The following POLR2F variants were observed in gnomAD, a reference collection of about 807,000 sequenced individuals.
POLR2F encodes the protein RNA polymerase II, I and III subunit F.
Under a neutral mutation model 22.7 loss-of-function variants are expected in POLR2F, and 12 were observed. The observed-to-expected ratio is 0.53, with a 90% confidence interval of 0.34 to 0.86. The LOEUF is 0.86. POLR2F is among the 40% of genes least tolerant of loss of function. POLR2F has a pLI of 0.02. For missense variants in POLR2F, 126 were observed against 171.5 expected, an observed-to-expected ratio of 0.73 and a Z score of 1.48; for synonymous variants, 57 against 66.0, an observed-to-expected ratio of 0.86 and a Z score of 0.66.
At chr22:37,990,010 G>T (rs893877076) in intron 1 of POLR2F, among the ~76,000 whole-genome samples, 2 of 152,210 alleles carry the variant, frequency 1.3e-5, no homozygotes, top group Admixed American at 6.5e-5. Flanking sequence ...GACACCTTCA[G>T]ATGTGCTCTG....
At chr22:37,973,331 G>A (rs1932115114), downstream of POLR2F, 1 of 588,316 alleles carries the variant, frequency 1.7e-6, no homozygotes, top group East Asian at 2.8e-5. Flanking sequence ...TGGGGCGGGT[G>A]GGTCATCAGG....
upstream of POLR2F, chr22:37,983,812 C>T: frequency 1.4e-6 from 2 of 1,406,282 alleles, no homozygotes; most frequent in Non-Finnish European, 1.9e-6. The surrounding 1 kb of genome is among the most constrained non-coding windows in gnomAD (Gnocchi z 9.5). Flanking sequence ...CCGCCGCCGC[C>T]TCGGCCGCCT....
Position 37,959,496 on chromosome 22 carries a change from C to T in POLR2F, c.221+20C>T. ...GATTGCGTGAGTGATTGCCCCTTCACTGTCTTCTCCATCTGTCAGGCCACA... is the reference window on the plus strand; with the variant it reads ...GATTGCGTGAGTGATTGCCCCTTCATTGTCTTCTCCATCTGTCAGGCCACA... On this transcript the variant is annotated intron_variant, in intron 3 of 4. Coordinates refer to ENST00000442738, the MANE Select transcript of POLR2F (RefSeq NM_021974.5). 6.2e-7 allele frequency: 1 copy of T among 1,611,998 alleles called. No homozygotes were observed. The highest frequency in any genetic ancestry group is 1.1e-5 in the South Asian group (1 of 90,952).
At chr22:38,039,310 G>A (rs1407435747) in intron 5 of POLR2F, among the ~76,000 whole-genome samples, 8 of 152,240 alleles carry the variant, frequency 5.3e-5, no homozygotes, top group African/African-American at 1.9e-4. Flanking sequence ...GGAAGCCAGC[G>A]AGAGAATGAA....
At chr22:37,981,933 G>C, upstream of POLR2F, among the ~76,000 whole-genome samples, 1 of 152,190 alleles carries the variant, frequency 6.6e-6, no homozygotes, top group Non-Finnish European at 1.5e-5. Context: ...CACATGGCAA[G>C]AACAGGCCAG....
intron 3 of POLR2F, among the ~76,000 whole-genome samples, chr22:37,964,779 G>T (rs759829164): frequency 3.3e-5 from 5 of 152,014 alleles, no homozygotes; most frequent in Non-Finnish European, 5.9e-5. Context: ...CACCATGTTG[G>T]TCGGGCTGGT....
chr22:38,012,289 C>G (rs2084877826), intron 1 of POLR2F, among the ~76,000 whole-genome samples: 1 of 152,046 alleles, frequency 6.6e-6, no homozygotes, highest in Non-Finnish European at 1.5e-5. Context: ...GCCATATTGG[C>G]CAGGCTGGTC....
intron 1 of POLR2F, among the ~76,000 whole-genome samples, chr22:37,993,887 G>T (rs747526420): frequency 4.9e-4 from 74 of 152,184 alleles, no homozygotes; most frequent in Admixed American, 4.5e-3. Flanking sequence ...TACTCAGGAG[G>T]CTGAGGCAGG....
intron 1 of POLR2F, chr22:37,987,033 C>T: frequency 2.2e-6 from 1 of 456,604 alleles, no homozygotes; most frequent in South Asian, 1.5e-5. Context: ...GACCCTTCTC[C>T]AGGGATGCTT....
intron 1 of POLR2F, among the ~76,000 whole-genome samples, chr22:38,023,699 G>A (rs1385613078): frequency 6.6e-6 from 1 of 151,884 alleles, no homozygotes; most frequent in Non-Finnish European, 1.5e-5. Context: ...TTGGGATGGA[G>A]TCTGGCTCTG....
intron 1 of POLR2F, among the ~76,000 whole-genome samples, chr22:38,023,141 T>G (rs1381727313): frequency 6.6e-6 from 1 of 152,222 alleles, no homozygotes; most frequent in Non-Finnish European, 1.5e-5. Flanking sequence ...ACTCCTGGGC[T>G]GTGATAGGGA....
chr22:37,969,578 G>T (rs1315410830), downstream of POLR2F, among the ~76,000 whole-genome samples: 1 of 152,140 alleles, frequency 6.6e-6, no homozygotes, highest in Admixed American at 6.5e-5. Flanking sequence ...TGTGCCCCCT[G>T]CTCCCCACTG....
rs1249088429 is a variant in POLR2F at position 38,036,571 on chromosome 22, T to A, written c.453-4497T>A. Among the ~76,000 whole-genome samples the A allele has an allele frequency of 4.0e-5, 6 of 149,106 alleles. No individual in the cohort carries two copies. In the Admixed American group the frequency reaches 4.1e-4, roughly 10 times the overall value. Reference sequence around the variant, plus strand: ...ACACTTACTGAAAGAATGATTTGGATCTCATTTAGGAGGGGTGGGCAACCG... The same window carrying A: ...ACACTTACTGAAAGAATGATTTGGAACTCATTTAGGAGGGGTGGGCAACCG... On this transcript the variant is annotated intron_variant, in intron 5 of 5. Transcript: ENST00000407936.
At chr22:38,028,032 C>T (rs2085030414), downstream of POLR2F, among the ~76,000 whole-genome samples, 1 of 152,172 alleles carries the variant, frequency 6.6e-6, no homozygotes, top group South Asian at 2.1e-4. Flanking sequence ...GGAGGCGCCA[C>T]AGTCAGGGTT....
Position 37,986,885 on chromosome 22 carries a change from C to T in POLR2F, c.120+573C>T, listed in dbSNP as rs762541906. 1.1e-5 allele frequency: 5 copies of T among 450,852 alleles called. No individual in the cohort carries two copies. The highest frequency in any genetic ancestry group is 4.7e-5 in the South Asian group (3 of 64,038). 27.9% of individuals were successfully genotyped at this position (450,852 alleles called of 1,614,324 possible). ...AGGACCCATAGTCATTCCTGAAGAG[C>T]AGGGAGCTTGGAGAGGGGAGGGATC... On this transcript the variant is annotated intron_variant, in intron 1 of 2. Transcript: ENST00000333418. The surrounding 1 kb of genome is among the most constrained non-coding windows in gnomAD (Gnocchi z 4.7).
chr22:37,989,198 G>A (rs73415891), intron 1 of POLR2F, among the ~76,000 whole-genome samples: 3,119 of 152,212 alleles, frequency 0.02, 114 homozygotes, highest in African/African-American at 0.071. Context: ...CTCAGGACTC[G>A]GCTTTTGCAT....
At chr22:37,962,399 T>C (rs1214746320) in intron 3 of POLR2F, among the ~76,000 whole-genome samples, 2 of 152,210 alleles carry the variant, frequency 1.3e-5, no homozygotes, top group Non-Finnish European at 2.9e-5. Flanking sequence ...ATGACCATCA[T>C]GTCTACTTCA....
chr22:37,981,223 C>A (rs1321005574), upstream of POLR2F, among the ~76,000 whole-genome samples: 1 of 152,234 alleles, frequency 6.6e-6, no homozygotes, highest in Non-Finnish European at 1.5e-5. Flanking sequence ...TTCTTGACAT[C>A]CCAGGAGTCA....
In POLR2F at chr22:38,017,892, C is replaced by T. The variant is rs2084928513; in HGVS notation, c.121-7977C>T. On this transcript the variant is annotated intron_variant, in intron 1 of 2. Transcript: ENST00000333418. The surrounding 1 kb of genome is among the most constrained non-coding windows in gnomAD (Gnocchi z 4.1). ...AACCATATGGAACAAGTTAAGCCTC[C>T]CTGAGAATTGGTTTCCTCACTTGTA... 6.6e-6 allele frequency among the ~76,000 whole-genome samples: 1 copy of T among 152,188 alleles called. No homozygotes were observed. The highest frequency in any genetic ancestry group is 2.1e-4 in the South Asian group (1 of 4,832).
Sources: gnomAD v4.1 joint callset for allele counts (sites outside exome capture counted in the v4.1 genomes callset) on GRCh38, gnomAD v4.1.1 for gene constraint, Gnocchi (gnomAD v3.1) non-coding constraint, MANE v1.5 for transcripts, NCBI Gene and HGNC (gene_info 2026-07-23, HGNC 2026-07-21) for gene names.